The following CLCN5 variants were observed in gnomAD, a reference collection of about 807,000 sequenced individuals.
CLCN5 encodes H(+)/Cl(-) exchange transporter 5.
CLCN5 carries 17 observed loss-of-function variants against 54.0 expected under a neutral mutation model. The observed-to-expected ratio is 0.31, with a 90% CI of 0.22 to 0.47. CLCN5 has a LOEUF of 0.47. Among genes scored for constraint, CLCN5 ranks in the 20% least tolerant of loss-of-function variants. The pLI is 1.00. For synonymous variants in CLCN5, 222 were observed against 233.0 expected, an observed-to-expected ratio of 0.95 and a Z score of 0.43; for missense variants, 448 against 646.7, an observed-to-expected ratio of 0.69 and a Z score of 3.33.
chrX:49,956,634 A>G (rs924629315), intron 3 of CLCN5, among the ~76,000 whole-genome samples: 1 of 111,621 alleles, frequency 9.0e-6, no homozygotes, highest in African/African-American at 3.3e-5. Context: ...AGCCTTTCAG[A>G]TACGGGACAG....
intron 3 of CLCN5, among the ~76,000 whole-genome samples, chrX:50,000,028 G>C (rs1557180139): frequency 9.0e-6 from 1 of 110,844 alleles, no homozygotes; most frequent in East Asian, 2.9e-4. Flanking sequence ...CCCCATGCAG[G>C]GGTGCAAGCC....
Position 50,098,316 on chromosome X carries a change from G to C in CLCN5, c.*6097G>C, listed in dbSNP as rs1934324615. ...AGTACCTTGCTCACGTCAGCTAAGGGGGACAGTGATGTCATGTGGGTGACT... is the reference window on the plus strand; with the variant it reads ...AGTACCTTGCTCACGTCAGCTAAGGCGGACAGTGATGTCATGTGGGTGACT... On this transcript the variant is annotated 3_prime_UTR_variant, in exon 15 of 15. Coordinates refer to ENST00000376091, the MANE Select transcript of CLCN5 (RefSeq NM_001127898.4). 8.9e-6 allele frequency: 1 copy of C among 112,287 alleles called. No homozygotes were observed. Among genetic ancestry groups the C allele is most frequent in the Admixed American group, 9.4e-5 (1 of 10,628 alleles). 9.3% of individuals were successfully genotyped at this position (112,287 alleles called of 1,213,427 possible).
At chrX:50,050,864 A>G (rs1051423694) in intron 4 of CLCN5, among the ~76,000 whole-genome samples, 2 of 109,561 alleles carry the variant, frequency 1.8e-5, no homozygotes, top group South Asian at 3.9e-4. Flanking sequence ...AGGTTTCACC[A>G]TGTTAGCCAG....
At chrX:49,937,099 G>A in intron 3 of CLCN5, among the ~76,000 whole-genome samples, 1 of 111,284 alleles carries the variant, frequency 9.0e-6, no homozygotes, top group Non-Finnish European at 1.9e-5. Context: ...TGTACATATA[G>A]TGACAGGGAA....
At chrX:50,000,121 A>T (rs113156157) in intron 3 of CLCN5, among the ~76,000 whole-genome samples, 7,923 of 109,125 alleles carry the variant, frequency 0.073, 757 homozygotes, top group African/African-American at 0.25. Flanking sequence ...AACCTGTTGG[A>T]CTGTGGGTTT....
chrX:50,019,468 C>CTTTTTTTTTTTTTTTTTT (rs1175073117), intron 3 of CLCN5, among the ~76,000 whole-genome samples: 4 of 47,667 alleles, frequency 8.4e-5, no homozygotes, highest in Non-Finnish European at 1.1e-4. Flanking sequence ...TTTTTTTTTT[C>CTTTTTTTTTTTTTTTTTT]TTTTTTTTTT....
At chrX:49,992,622 T>C (rs1382442604) in intron 3 of CLCN5, among the ~76,000 whole-genome samples, 2 of 111,854 alleles carry the variant, frequency 1.8e-5, no homozygotes, top group Admixed American at 9.5e-5. Context: ...AACTAACACT[T>C]CGCTAGGACA....
intron 3 of CLCN5, among the ~76,000 whole-genome samples, chrX:50,030,113 T>TA (rs1301829046): frequency 8.9e-6 from 1 of 112,103 alleles, no homozygotes; most frequent in Non-Finnish European, 1.9e-5. Flanking sequence ...TGAATATCAC[T>TA]ACCAGTCTGT....
At chrX:50,016,722 C>T (rs1220166184) in intron 3 of CLCN5, among the ~76,000 whole-genome samples, 2 of 109,073 alleles carry the variant, frequency 1.8e-5, no homozygotes, top group Non-Finnish European at 3.8e-5. Context: ...CCTCTGAGTT[C>T]TGCCTATTTA....
At chrX:49,990,961 A>T (rs1386977742) in intron 3 of CLCN5, among the ~76,000 whole-genome samples, 13 of 112,536 alleles carry the variant, frequency 1.2e-4, no homozygotes, top group African/African-American at 3.9e-4. Context: ...TTGTTGATGG[A>T]TGGGCATTTG....
In CLCN5 at chrX:50,072,715, C is replaced by T. The variant is rs1337861970; in HGVS notation, c.415+127C>T. ...TACCTTAAATGAATTGCTGGTGAAC[C>T]TTATAGAAGCTCAATGTCCCCATCT... On this transcript the variant is annotated intron_variant, in intron 6 of 14. Coordinates refer to ENST00000376091, the MANE Select transcript of CLCN5 (RefSeq NM_001127898.4). 2.5e-5 allele frequency: 13 copies of T among 529,952 alleles called. No homozygotes were observed. In the East Asian group the frequency reaches 4.6e-4, roughly 19 times the overall value. The allele number at this position is 529,952 out of a possible 1,213,427, so 43.7% of individuals were successfully genotyped here.
At chrX:49,941,858 T>C (rs1257344200) in intron 3 of CLCN5, among the ~76,000 whole-genome samples, 1 of 108,986 alleles carries the variant, frequency 9.2e-6, no homozygotes, top group Non-Finnish European at 1.9e-5. Context: ...TGCCCTATTA[T>C]GTCTTTCTCA....
intron 3 of CLCN5, among the ~76,000 whole-genome samples, chrX:49,970,814 T>G (rs1928167960): frequency 9.0e-6 from 1 of 111,539 alleles, no homozygotes; most frequent in African/African-American, 3.3e-5. Flanking sequence ...AACTCTGTGT[T>G]TAGTATTTTG....
At chrX:50,077,391 G>A (rs1211669907) in intron 7 of CLCN5, among the ~76,000 whole-genome samples, 1 of 108,281 alleles carries the variant, frequency 9.2e-6, no homozygotes, top group Non-Finnish European at 1.9e-5. Flanking sequence ...CTGAATATTT[G>A]GAATTTTTTT....
intron 4 of CLCN5, among the ~76,000 whole-genome samples, chrX:50,060,422 C>T (rs1557189725): frequency 2.8e-5 from 3 of 108,261 alleles, no homozygotes; most frequent in South Asian, 4.3e-4. Flanking sequence ...TCGGGTCACT[C>T]CCACCCGAAT....
chrX:49,937,611 G>C (rs1926069374), intron 3 of CLCN5, among the ~76,000 whole-genome samples: 1 of 111,364 alleles, frequency 9.0e-6, no homozygotes, highest in African/African-American at 3.3e-5. Context: ...AGATTAAATT[G>C]GGTAAAAATT....
At position 50,093,780 on chromosome X, in the gene CLCN5, CTAGT is replaced by C. The variant is rs1057515934; in HGVS notation, c.*1564_*1567del. On this transcript the variant is annotated 3_prime_UTR_variant, in exon 15 of 15. Transcript: ENST00000376091. ...CTACAAAAAAAAATAACTCCCAGGGCTAGTTAAATTGTAAACCAAGGCTCAGCAG... is the reference window on the plus strand; with the variant it reads ...CTACAAAAAAAAATAACTCCCAGGGCTAAATTGTAAACCAAGGCTCAGCAG... 2.7e-5 allele frequency: 3 copies of C among 111,826 alleles called. No individual in the cohort carries two copies. The highest frequency in any genetic ancestry group is 3.8e-5 in the Non-Finnish European group (2 of 53,217). The allele number at this position is 111,826 out of a possible 1,213,427, so 9.2% of individuals were successfully genotyped here.
chrX:49,962,664 G>C (rs1927658684), intron 3 of CLCN5, among the ~76,000 whole-genome samples: 1 of 111,749 alleles, frequency 8.9e-6, no homozygotes, highest in Non-Finnish European at 1.9e-5. Flanking sequence ...GAACAGATCG[G>C]ACTTTATCAG....
chrX:50,057,395 A>G (rs1202823807), intron 4 of CLCN5, among the ~76,000 whole-genome samples: 9 of 81,616 alleles, frequency 1.1e-4, no homozygotes, highest in African/African-American at 4.2e-4. Context: ...GATACTATCC[A>G]GGACTCTCCT....
Sources: gnomAD v4.1 joint callset for allele counts (sites outside exome capture counted in the v4.1 genomes callset) on GRCh38, gnomAD v4.1.1 for gene constraint, MANE v1.5 for transcripts, NCBI Gene and HGNC (gene_info 2026-07-23, HGNC 2026-07-21) for gene names.